EML1: variants seen among roughly 807,000 people sequenced by gnomAD.
EML1 encodes echinoderm microtubule-associated protein-like 1.
EML1 carries 27 observed loss-of-function variants against 110.4 expected under a neutral mutation model. The observed-to-expected ratio is 0.24, with a 90% confidence interval of 0.18 to 0.34. The LOEUF (loss-of-function observed/expected upper bound fraction) is 0.34. EML1 is among the 10% of genes least tolerant of loss of function. The pLI is 1.00. For synonymous variants in EML1, 344 were observed against 385.8 expected, an observed-to-expected ratio of 0.89 and a Z score of 1.27; for missense variants, 741 against 1,030.9, an observed-to-expected ratio of 0.72 and a Z score of 3.85.
At chr14:99,891,714 C>T (rs2059590604) in intron 5 of EML1, among the ~76,000 whole-genome samples, 1 of 152,152 alleles carries the variant, frequency 6.6e-6, no homozygotes, top group Non-Finnish European at 1.5e-5. Context: ...TTCCATATAT[C>T]TTTTTTAACA....
chr14:99,867,968 G>A (rs532042778), intron 3 of EML1, among the ~76,000 whole-genome samples: 33 of 152,196 alleles, frequency 2.2e-4, no homozygotes, highest in African/African-American at 5.5e-4. Context: ...CAAATATGGC[G>A]TTTATTACAT....
At chr14:99,814,748 T>G (rs1336928485) in intron 1 of EML1, among the ~76,000 whole-genome samples, 1 of 152,204 alleles carries the variant, frequency 6.6e-6, no homozygotes, top group Non-Finnish European at 1.5e-5. Flanking sequence ...CCAGTTAGCA[T>G]GCAGCCAATA....
intron 1 of EML1, among the ~76,000 whole-genome samples, chr14:99,782,280 T>C (rs2057548396): frequency 6.6e-6 from 1 of 152,154 alleles, no homozygotes; most frequent in Non-Finnish European, 1.5e-5. Context: ...TTTACCAACG[T>C]TGTGACCTCA....
At chr14:99,799,690 A>G (rs149532193) in intron 1 of EML1, among the ~76,000 whole-genome samples, 1 of 152,352 alleles carries the variant, frequency 6.6e-6, no homozygotes, top group Non-Finnish European at 1.5e-5. Flanking sequence ...AAAAATCACA[A>G]AACTGTGCTT....
chr14:99,870,657 C>T (rs2059182657), intron 3 of EML1, among the ~76,000 whole-genome samples: 1 of 152,162 alleles, frequency 6.6e-6, no homozygotes, highest in Non-Finnish European at 1.5e-5. Flanking sequence ...TCCAAAAATC[C>T]TAGGGCCCTT....
At chr14:99,855,046 A>G (rs2058879272) in intron 2 of EML1, among the ~76,000 whole-genome samples, 1 of 152,302 alleles carries the variant, frequency 6.6e-6, no homozygotes, top group African/African-American at 2.4e-5. Context: ...TGGCCAGGAG[A>G]TGATGGTGCC....
At chr14:99,859,759 C>T (rs1420289576) in intron 2 of EML1, among the ~76,000 whole-genome samples, 2 of 152,184 alleles carry the variant, frequency 1.3e-5, no homozygotes, top group African/African-American at 2.4e-5. Flanking sequence ...ATATGCAGCC[C>T]ATGGGTTCTC....
rs932740273 is a variant in EML1, at chr14:99,827,588, G to A, written c.68-23265G>A. Among the ~76,000 whole-genome samples the A allele has an allele frequency of 2.0e-5, 3 of 151,904 alleles. No individual in the cohort carries two copies. Among genetic ancestry groups the A allele is most frequent in the Non-Finnish European group, 2.9e-5 (2 of 67,978 alleles). On this transcript the variant is annotated intron_variant, in intron 1 of 21. Transcript: ENST00000262233. The surrounding 1 kb of genome is among the most constrained non-coding windows in gnomAD (Gnocchi z 4.4). ...CTTTAAAGAGGTGATTAAGTTAAAC[G>A]TGGCCGTTAGAGTGGGCCCTACTCC... is the stretch of plus-strand genomic sequence containing the variant.
intron 1 of EML1, among the ~76,000 whole-genome samples, chr14:99,821,566 G>T (rs2058263276): frequency 6.6e-6 from 1 of 151,884 alleles, no homozygotes; most frequent in South Asian, 2.1e-4. Flanking sequence ...ATACAGGTGA[G>T]GAAATTGGGT....
chr14:99,857,204 C>T (rs978339448), intron 2 of EML1, among the ~76,000 whole-genome samples: 4 of 151,676 alleles, frequency 2.6e-5, no homozygotes, highest in African/African-American at 4.9e-5. Context: ...CCCAGGAGGT[C>T]GAGGCTGCAG....
intron 1 of EML1, among the ~76,000 whole-genome samples, chr14:99,842,795 TA>T (rs1291936607): frequency 6.6e-6 from 1 of 152,228 alleles, no homozygotes; most frequent in African/African-American, 2.4e-5. Flanking sequence ...TGTTGTTTTA[TA>T]ATATTGATTT....
chr14:99,867,754 G>A (rs190605285), intron 3 of EML1, among the ~76,000 whole-genome samples: 1 of 152,238 alleles, frequency 6.6e-6, no homozygotes, highest in Admixed American at 6.5e-5. Context: ...ATAAGATTCT[G>A]TCATCTGTAG....
intron 1 of EML1, among the ~76,000 whole-genome samples, chr14:99,795,108 C>T (rs776924213): frequency 3.5e-4 from 53 of 152,024 alleles, no homozygotes; most frequent in Non-Finnish European, 5.3e-4. Flanking sequence ...AATCTGTGGG[C>T]GTATTATTGA....
chr14:99,770,377 T>TCTATCTA (rs2057411413), upstream of EML1, among the ~76,000 whole-genome samples: 1 of 150,186 alleles, frequency 6.7e-6, no homozygotes, highest in African/African-American at 2.5e-5. Flanking sequence ...AAAAATTTCT[T>TCTATCTA]TCTATCTATC....
chr14:99,927,393 C>G (rs1210185326), intron 17 of EML1, among the ~76,000 whole-genome samples: 2 of 152,094 alleles, frequency 1.3e-5, no homozygotes, highest in African/African-American at 4.8e-5. Flanking sequence ...CCTGTATTTC[C>G]CATAAAGTGA....
intron 12 of EML1, 74 bp from the exon 13 acceptor site, chr14:99,911,348 T>C: frequency 6.6e-7 from 1 of 1,505,702 alleles, no homozygotes; most frequent in Admixed American, 2.5e-5. Context: ...AAAACCTAAG[T>C]CAGATGAGAT....
chr14:99,924,277 G>A (rs1595489517), intron 17 of EML1, among the ~76,000 whole-genome samples: 2 of 152,256 alleles, frequency 1.3e-5, no homozygotes, highest in East Asian at 3.9e-4. Context: ...TTTGCACGTA[G>A]ATCTTATATC....
At chr14:99,768,300 G>A (rs1386219224), upstream of EML1, among the ~76,000 whole-genome samples, 2 of 152,168 alleles carry the variant, frequency 1.3e-5, no homozygotes, top group Non-Finnish European at 2.9e-5. Context: ...GGGGAGGGAG[G>A]AACTCATTCT....
At chr14:99,902,512 C>T (rs551607047) in intron 9 of EML1, among the ~76,000 whole-genome samples, 1 of 152,176 alleles carries the variant, frequency 6.6e-6, no homozygotes, top group South Asian at 2.1e-4. Context: ...TAATTTCTGT[C>T]TCCAGTCTCC....
Sources: allele counts gnomAD v4.1 joint callset (sites outside exome capture counted in the v4.1 genomes callset), GRCh38; gene constraint gnomAD v4.1.1; non-coding constraint Gnocchi (gnomAD v3.1); transcripts MANE v1.5; gene names NCBI Gene and HGNC (gene_info 2026-07-23, HGNC 2026-07-21).